The following NSUN6 variants were observed in gnomAD, a reference collection of about 807,000 sequenced individuals.
NSUN6 encodes the protein NOP2/Sun RNA methyltransferase 6, also known as tRNA (cytosine(72)-C(5))-methyltransferase NSUN6.
In NSUN6, 64 loss-of-function variants were observed where a neutral mutation model predicts 58.0. The observed-to-expected ratio is 1.10, with a 90% CI of 0.90 to 1.36. NSUN6 has a LOEUF of 1.36. NSUN6 is among the 40% of genes most tolerant of loss of function. The probability of loss-of-function intolerance (pLI) is 0.00; values close to 1 mark genes in which losing one functional copy is unlikely to be tolerated. For missense variants in NSUN6, 701 were observed against 550.1 expected (o/e 1.27, Z -2.74); for synonymous variants, 231 against 193.9 (o/e 1.19, Z -1.59).
chr10:18,571,775 C>A (rs573677439), intron 8 of NSUN6, among the ~76,000 whole-genome samples: 4 of 151,700 alleles, frequency 2.6e-5, no homozygotes, highest in African/African-American at 7.2e-5. Flanking sequence ...TTCTCCATTC[C>A]ATTCCATTCT....
intron 3 of NSUN6, among the ~76,000 whole-genome samples, chr10:18,625,065 C>G (rs947044965): frequency 1.3e-5 from 2 of 152,160 alleles, no homozygotes; most frequent in African/African-American, 2.4e-5. Context: ...CAATTAGGTG[C>G]TGGAGGAATT....
chr10:18,560,919 A>C (rs1218768378), intron 8 of NSUN6, among the ~76,000 whole-genome samples: 3 of 151,562 alleles, frequency 2.0e-5, no homozygotes, highest in Non-Finnish European at 2.9e-5. Flanking sequence ...ATGGAATGGA[A>C]TGGAGCATAG....
intron 2 of NSUN6, among the ~76,000 whole-genome samples, chr10:18,643,030 A>C (rs865943973): frequency 6.6e-6 from 1 of 151,970 alleles, no homozygotes; most frequent in African/African-American, 2.4e-5. Context: ...CTCTATTATA[A>C]GGGAACCAGA....
At chr10:18,604,177 A>C (rs888446276) in intron 6 of NSUN6, among the ~76,000 whole-genome samples, 2 of 152,066 alleles carry the variant, frequency 1.3e-5, no homozygotes, top group Non-Finnish European at 2.9e-5. Flanking sequence ...GTGAGCCTCC[A>C]TATCAAAAAG....
intron 2 of NSUN6, among the ~76,000 whole-genome samples, chr10:18,647,653 T>C (rs1481997578): frequency 6.6e-6 from 1 of 151,942 alleles, no homozygotes; most frequent in Admixed American, 6.6e-5. Flanking sequence ...CATGCTGTTT[T>C]ACATTGAAAA....
In NSUN6 at chr10:18,616,153, C is replaced by A. The variant is rs932548909; in HGVS notation, c.421+31G>T. 6.7e-6 allele frequency: 8 copies of A among 1,197,778 alleles called. No homozygotes were observed. The African/African-American group carries it at 9.1e-5, about 14-fold the overall frequency. 74.2% of individuals were successfully genotyped at this position (1,197,778 alleles called of 1,614,324 possible). A position where few individuals can be genotyped will look rare whatever the true frequency, so the allele number is the denominator to read the frequency against. On this transcript the variant is annotated intron_variant, in intron 4 of 10. Coordinates refer to ENST00000377304, the MANE Select transcript of NSUN6 (RefSeq NM_182543.5). ...GAAAATGCACATAAATTTTAGAGAA[C>A]CTTAAAGACAAATCTAAACATTATA...
intron 8 of NSUN6, among the ~76,000 whole-genome samples, chr10:18,562,563 G>C (rs1439271293): frequency 6.6e-6 from 1 of 151,572 alleles, no homozygotes; most frequent in South Asian, 2.1e-4. Flanking sequence ...ATGGAGAATG[G>C]AGTGGAATAG....
At chr10:18,640,259 T>C (rs1480736491) in intron 3 of NSUN6, among the ~76,000 whole-genome samples, 3 of 152,156 alleles carry the variant, frequency 2.0e-5, no homozygotes, top group Non-Finnish European at 4.4e-5. Flanking sequence ...AGACGGTCTA[T>C]AAAAAATCAA....
intron 2 of NSUN6, among the ~76,000 whole-genome samples, chr10:18,647,339 A>T (rs931790890): frequency 6.6e-6 from 1 of 152,220 alleles, no homozygotes. Flanking sequence ...GAGTCTGCTG[A>T]CACCCACGTT....
chr10:18,612,754 G>A (rs1293660641), intron 5 of NSUN6, among the ~76,000 whole-genome samples: 1 of 152,138 alleles, frequency 6.6e-6, no homozygotes, highest in East Asian at 1.9e-4. Flanking sequence ...TATTATTCAG[G>A]TATGAGATTA....
intron 9 of NSUN6, among the ~76,000 whole-genome samples, chr10:18,549,639 C>T (rs946228337): frequency 3.1e-4 from 47 of 152,134 alleles, no homozygotes; most frequent in African/African-American, 1.1e-3. Context: ...GTCTTACATA[C>T]AGGAGATCTA....
chr10:18,624,062 A>G (rs991591507), intron 3 of NSUN6, among the ~76,000 whole-genome samples: 6 of 152,154 alleles, frequency 3.9e-5, no homozygotes, highest in African/African-American at 1.2e-4. Context: ...CAGAAGGTAG[A>G]TTTTAAAAAT....
chr10:18,627,503 G>A (rs1334048664), intron 3 of NSUN6, among the ~76,000 whole-genome samples: 1 of 152,188 alleles, frequency 6.6e-6, no homozygotes, highest in African/African-American at 2.4e-5. Context: ...GAGGTACCGG[G>A]TTCATCTCAC....
At chr10:18,594,437 T>TG (rs2057502908) in intron 7 of NSUN6, among the ~76,000 whole-genome samples, 1 of 151,748 alleles carries the variant, frequency 6.6e-6, no homozygotes, top group Non-Finnish European at 1.5e-5. Flanking sequence ...TTCTGTTTTT[T>TG]TTTGTTGTTG....
intron 8 of NSUN6, among the ~76,000 whole-genome samples, chr10:18,562,610 T>C (rs1225106131): frequency 7.1e-6 from 1 of 141,730 alleles, no homozygotes; most frequent in Admixed American, 7.2e-5. Flanking sequence ...TGGGGAATGG[T>C]ATGGAATGAA....
At chr10:18,611,640 C>T (rs2058239878) in intron 5 of NSUN6, among the ~76,000 whole-genome samples, 1 of 152,092 alleles carries the variant, frequency 6.6e-6, no homozygotes, top group South Asian at 2.1e-4. Flanking sequence ...AGTGATCCTC[C>T]CAACTTAGCC....
upstream of NSUN6, among the ~76,000 whole-genome samples, chr10:18,656,073 G>A (rs552346107): frequency 1.1e-4 from 16 of 152,010 alleles, no homozygotes; most frequent in African/African-American, 3.6e-4. Flanking sequence ...GGAGCGAGAC[G>A]TGAGTTTCTT....
At chr10:18,548,663 TCCCGG>T (rs2054431397) in intron 9 of NSUN6, among the ~76,000 whole-genome samples, 1 of 152,184 alleles carries the variant, frequency 6.6e-6, no homozygotes, top group Non-Finnish European at 1.5e-5. Flanking sequence ...TGTCTTACAC[TCCCGG>T]GCTCAAGCAG....
chr10:18,567,273 CTCCAT>C (rs955896165), intron 8 of NSUN6, among the ~76,000 whole-genome samples: 2 of 151,012 alleles, frequency 1.3e-5, no homozygotes, highest in Non-Finnish European at 3.0e-5. Context: ...CTATTCCATT[CTCCAT>C]TCCATTCCAT....
Sources: allele counts gnomAD v4.1 joint callset (sites outside exome capture counted in the v4.1 genomes callset), GRCh38; gene constraint gnomAD v4.1.1; transcripts MANE v1.5; gene names NCBI Gene and HGNC (gene_info 2026-07-23, HGNC 2026-07-21).